The following COL14A1 variants were observed in gnomAD, a reference collection of about 807,000 sequenced individuals.
COL14A1 encodes the protein collagen type XIV alpha 1 chain, also known as collagen alpha-1(XIV) chain.
In COL14A1, 136 loss-of-function variants were observed where a neutral mutation model predicts 230.3. The ratio of observed to expected loss-of-function variants is 0.59; its 90% CI spans 0.51 to 0.68. The LOEUF (loss-of-function observed/expected upper bound fraction) is 0.68, where lower values mean the gene tolerates loss of function less well. COL14A1 is among the 30% of genes least tolerant of loss of function. The pLI, the probability that COL14A1 is intolerant of heterozygous loss-of-function variation, is 0.00. For missense variants in COL14A1, 1,976 were observed against 2,215.8 expected, an observed-to-expected ratio of 0.89 and a Z score of 2.17; for synonymous variants, 792 against 784.1, an observed-to-expected ratio of 1.01 and a Z score of -0.17.
At chr8:120,292,579 G>C (rs1820405586) in intron 34 of COL14A1, among the ~76,000 whole-genome samples, 1 of 152,104 alleles carries the variant, frequency 6.6e-6, no homozygotes, top group Admixed American at 6.5e-5. Context: ...TACAAGGTAA[G>C]AGAAGTCTCA....
rs574738713 is a variant in COL14A1, at chr8:120,360,891, T to C, written c.5078-6280T>C. Among the ~76,000 whole-genome samples, 412 of 152,188 alleles carry C rather than the reference T, an allele frequency of 2.7e-3. 1 individual carries two copies. The highest frequency in any genetic ancestry group is 4.5e-3 in the Non-Finnish European group (303 of 68,002). ...CTGCTCTTTGGCAAGGTCAGCCCAA[T>C]GGAAAGCATTGAGGAAGATTGGAGG... On this transcript the variant is annotated intron_variant, in intron 45 of 47. Coordinates refer to ENST00000297848, the MANE Select transcript of COL14A1 (RefSeq NM_021110.4).
chr8:120,353,510 C>T (rs536281917), intron 45 of COL14A1, among the ~76,000 whole-genome samples: 1 of 146,282 alleles, frequency 6.8e-6, no homozygotes, highest in African/African-American at 2.6e-5. Context: ...GGGCTAATAT[C>T]CAGAATCTAC....
At chr8:120,342,546 G>T (rs538042323) in intron 44 of COL14A1, 100 bp downstream of exon 44, 3 of 1,145,296 alleles carry the variant, frequency 2.6e-6, no homozygotes, top group African/African-American at 3.0e-5. Flanking sequence ...AAACTCTAAA[G>T]CATTGTCTTT....
intron 20 of COL14A1, among the ~76,000 whole-genome samples, chr8:120,246,360 C>T (rs1818762550): frequency 1.3e-5 from 2 of 152,142 alleles, no homozygotes; most frequent in African/African-American, 4.8e-5. Context: ...AGAAGGAAAA[C>T]AGAAGAGCAG....
chr8:120,223,024 G>A (rs1008037170), intron 14 of COL14A1, among the ~76,000 whole-genome samples: 18 of 152,140 alleles, frequency 1.2e-4, no homozygotes, highest in Admixed American at 2.0e-4. Flanking sequence ...GCCTAATTTC[G>A]ACAAGAGCTG....
At chr8:120,159,934 C>A (rs2130530982) in intron 3 of COL14A1, among the ~76,000 whole-genome samples, 2 of 152,194 alleles carry the variant, frequency 1.3e-5, no homozygotes, top group African/African-American at 4.8e-5. Flanking sequence ...TCAGGTGATC[C>A]ACCTGCCTCA....
chr8:120,253,780 C>T (rs140435240), intron 22 of COL14A1, among the ~76,000 whole-genome samples: 47 of 152,054 alleles, frequency 3.1e-4, no homozygotes, highest in African/African-American at 1.1e-3. Context: ...AAAAGTTAGT[C>T]GGGTGTGGCG....
chr8:120,130,234 T>C (rs1814482731), intron 1 of COL14A1, among the ~76,000 whole-genome samples: 1 of 152,242 alleles, frequency 6.6e-6, no homozygotes, highest in South Asian at 2.1e-4. Flanking sequence ...AGCAAAAGAA[T>C]ACATAGACTT....
chr8:120,280,825 GT>G (rs1820012185), intron 30 of COL14A1, 76 bp downstream of exon 30: 2 of 1,525,684 alleles, frequency 1.3e-6, no homozygotes, highest in East Asian at 4.6e-5. Flanking sequence ...TTCTGTTTTT[GT>G]TTTTAAATCC....
intron 5 of COL14A1, among the ~76,000 whole-genome samples, chr8:120,195,636 A>G (rs1276120624): frequency 2.0e-5 from 3 of 152,214 alleles, no homozygotes; most frequent in Non-Finnish European, 4.4e-5. Flanking sequence ...ACAAAGGAGA[A>G]GCAAAGGCAC....
Position 120,280,997 on chromosome 8 carries a change from T to G in COL14A1, c.3762T>G (p.Gly1254=), listed in dbSNP as rs184634672. The G allele has an allele frequency of 7.4e-5, 120 of 1,613,334 alleles. 2 individuals are homozygous for G. In the Admixed American group the frequency reaches 2.0e-3, roughly 26 times the overall value. The change falls in exon 31 of 48, where the codon GGT becomes GGG. Residue 1254 remains glycine, a synonymous_variant. Coordinates refer to ENST00000297848, the MANE Select transcript of COL14A1 (RefSeq NM_021110.4). ...TGGAAGGGGTTTCTATGGAGCCTGG[T>G]ACCTTCAATGTGTTTCCATGTTACC... ...SSVEGVSMEP[G]TFNVFPCYQL...
At chr8:120,163,012 G>A (rs1342221157) in intron 4 of COL14A1, among the ~76,000 whole-genome samples, 6 of 152,174 alleles carry the variant, frequency 3.9e-5, no homozygotes, top group Non-Finnish European at 7.4e-5. Flanking sequence ...TACAGGCCTG[G>A]CATATAATGG....
chr8:120,312,883 T>C (rs1821092160), intron 37 of COL14A1, among the ~76,000 whole-genome samples: 1 of 152,158 alleles, frequency 6.6e-6, no homozygotes, highest in South Asian at 2.1e-4. Flanking sequence ...AGGTCCTAAT[T>C]TAATAAAAGA....
intron 5 of COL14A1, among the ~76,000 whole-genome samples, chr8:120,192,521 A>G (rs201008401): frequency 1.7e-4 from 26 of 152,052 alleles, no homozygotes; most frequent in South Asian, 8.3e-4. Flanking sequence ...ACAATTATGT[A>G]TCTTGGAGTT....
At chr8:120,200,720 TATATA>T in intron 8 of COL14A1, among the ~76,000 whole-genome samples, 1 of 7,772 alleles carries the variant, frequency 1.3e-4, no homozygotes, top group African/African-American at 8.8e-4. Flanking sequence ...CCTATTTATA[TATATA>T]TATATATATA....
intron 4 of COL14A1, among the ~76,000 whole-genome samples, chr8:120,167,315 A>G (rs537137993): frequency 6.6e-6 from 1 of 151,194 alleles, no homozygotes; most frequent in African/African-American, 2.4e-5. Flanking sequence ...TCCCCTATGT[A>G]GCTTACCCTT....
chr8:120,364,200 C>T (rs998167355), intron 45 of COL14A1, among the ~76,000 whole-genome samples: 3 of 152,038 alleles, frequency 2.0e-5, no homozygotes, highest in Non-Finnish European at 2.9e-5. Context: ...AAGAGATCTA[C>T]GATGGGCCAT....
Position 120,311,976 on chromosome 8 carries a change from A to G in COL14A1, c.4455+1914A>G, listed in dbSNP as rs867590874. On this transcript the variant is annotated intron_variant, in intron 37 of 47. Coordinates refer to ENST00000297848, the MANE Select transcript of COL14A1 (RefSeq NM_021110.4). ...GCTGGGTGTGGTGGTGGGCACCTGT[A>G]GTCCCAGCTACTCGGGAGGCTGACA... is the stretch of plus-strand genomic sequence containing the variant. 2.0e-5 allele frequency among the ~76,000 whole-genome samples: 3 copies of G among 152,120 alleles called. No individual in the cohort carries two copies. In the Middle Eastern group the frequency reaches 0.01, roughly 517 times the overall value.
chr8:120,223,026 C>T (rs563406692), intron 14 of COL14A1, among the ~76,000 whole-genome samples: 2 of 152,104 alleles, frequency 1.3e-5, no homozygotes, highest in Non-Finnish European at 2.9e-5. Flanking sequence ...CTAATTTCGA[C>T]AAGAGCTGGG....
Sources: allele counts gnomAD v4.1 joint callset (sites outside exome capture counted in the v4.1 genomes callset), GRCh38; gene constraint gnomAD v4.1.1; transcripts MANE v1.5; gene names NCBI Gene and HGNC (gene_info 2026-07-23, HGNC 2026-07-21).